Variants in CEP83 observed in about 807,000 individuals in gnomAD.
CEP83 encodes the protein centrosomal protein of 83 kDa.
Under a neutral mutation model 101.9 loss-of-function variants are expected in CEP83, and 70 were observed. The ratio of observed to expected loss-of-function variants is 0.69; its 90% CI spans 0.57 to 0.84. The LOEUF is 0.84. Ranked by LOEUF, CEP83 falls within the 40% of genes least tolerant of loss-of-function variation. The pLI is 0.00. For missense variants in CEP83, 715 were observed against 787.2 expected, an observed-to-expected ratio of 0.91 and a Z score of 1.10; for synonymous variants, 264 against 267.9, an observed-to-expected ratio of 0.99 and a Z score of 0.14.
At chr12:94,383,063 T>C (rs911806294) in intron 6 of CEP83, among the ~76,000 whole-genome samples, 3 of 152,100 alleles carry the variant, frequency 2.0e-5, no homozygotes, top group Non-Finnish European at 4.4e-5. Context: ...ACATTTAGTA[T>C]TCCTGTGTCT....
chr12:94,412,235 T>C, intron 3 of CEP83, 83 bp downstream of exon 3: 1 of 1,123,422 alleles, frequency 8.9e-7, no homozygotes, highest in Non-Finnish European at 1.2e-6. Context: ...AAAATTATAC[T>C]ATATTCTATA....
chr12:94,453,331 TC>T (rs1034704644), intron 1 of CEP83, among the ~76,000 whole-genome samples: 2 of 152,166 alleles, frequency 1.3e-5, no homozygotes, highest in Non-Finnish European at 2.9e-5. Context: ...TTGACTAACT[TC>T]CTCCGGGCCA....
intron 11 of CEP83, among the ~76,000 whole-genome samples, chr12:94,346,073 C>T (rs1340684600): frequency 1.3e-5 from 2 of 151,942 alleles, no homozygotes; most frequent in African/African-American, 4.8e-5. Flanking sequence ...TTTTTTGAGA[C>T]GGGGTCTTGC....
chr12:94,289,190 A>G, the CEP83 span, among the ~76,000 whole-genome samples: 1 of 152,104 alleles, frequency 6.6e-6, no homozygotes, highest in East Asian at 1.9e-4. Flanking sequence ...GGTTTGGAGG[A>G]TGTGTAGCTC....
At chr12:94,435,754 T>C (rs2065937172) in intron 1 of CEP83, among the ~76,000 whole-genome samples, 1 of 152,222 alleles carries the variant, frequency 6.6e-6, no homozygotes, top group African/African-American at 2.4e-5. Context: ...CTAATTCAAC[T>C]GCCTGCAACT....
intron 11 of CEP83, among the ~76,000 whole-genome samples, chr12:94,336,845 A>G (rs61927181): frequency 2.6e-5 from 4 of 151,052 alleles, no homozygotes; most frequent in African/African-American, 9.7e-5. Flanking sequence ...TTTTTTTTAA[A>G]TAAGAGATGT....
At chr12:94,360,720 A>G (rs2060710605) in intron 11 of CEP83, among the ~76,000 whole-genome samples, 1 of 152,100 alleles carries the variant, frequency 6.6e-6, no homozygotes, top group African/African-American at 2.4e-5. Flanking sequence ...CATATTACCA[A>G]TGAATTTCTT....
At position 94,356,124 on chromosome 12, in the gene CEP83, C is replaced by T. The variant is rs548191729; in HGVS notation, c.1343+11670G>A. Among the ~76,000 whole-genome samples, 7 of 152,262 alleles carry T rather than the reference C, an allele frequency of 4.6e-5. No homozygotes were observed. In the South Asian group the frequency reaches 8.3e-4, roughly 18 times the overall value. ...AATCCAGGTCGAAGGGTCGCCAGAG[C>T]GACGGCTGGGAACAGAAAACTAGCT... On this transcript the variant is annotated intron_variant, in intron 11 of 16. Transcript: ENST00000397809.
the CEP83 span, among the ~76,000 whole-genome samples, chr12:94,292,881 A>G: frequency 6.6e-6 from 1 of 152,194 alleles, no homozygotes; most frequent in African/African-American, 2.4e-5. Context: ...GTATATACCT[A>G]CAGAAAAACA....
chr12:94,425,903 G>C (rs757774830), intron 2 of CEP83, among the ~76,000 whole-genome samples: 1 of 152,044 alleles, frequency 6.6e-6, no homozygotes. Flanking sequence ...GGCGGATCAC[G>C]AGGTCAGGAG....
At chr12:94,368,409 C>T (rs1566001909) in intron 9 of CEP83, 14 of 526,552 alleles carry the variant, frequency 2.7e-5, no homozygotes. Flanking sequence ...TTTCCTGTCA[C>T]TGTTTATTTA....
chr12:94,295,478 T>G, the CEP83 span, among the ~76,000 whole-genome samples: 2 of 152,170 alleles, frequency 1.3e-5, no homozygotes, highest in East Asian at 3.8e-4. Flanking sequence ...AGCCTATTAT[T>G]TGGGGATTGA....
intron 14 of CEP83, among the ~76,000 whole-genome samples, chr12:94,316,000 G>C (rs1308100229): frequency 6.6e-6 from 1 of 152,110 alleles, no homozygotes; most frequent in African/African-American, 2.4e-5. Context: ...TGTACTTTCA[G>C]ATGAATTTTA....
chr12:94,456,460 A>G (rs2067687012), intron 1 of CEP83, among the ~76,000 whole-genome samples: 1 of 152,212 alleles, frequency 6.6e-6, no homozygotes, highest in Admixed American at 6.5e-5. Flanking sequence ...TCATATTGCT[A>G]TAAAGAACTG....
chr12:94,318,870 T>G (rs1474602236), intron 14 of CEP83, among the ~76,000 whole-genome samples: 1 of 152,198 alleles, frequency 6.6e-6, no homozygotes, highest in African/African-American at 2.4e-5. Flanking sequence ...GGCCTAAAGT[T>G]TTCATTGTTG....
In CEP83 at chr12:94,308,613, A is replaced by G. The variant is rs77431018; in HGVS notation, c.*200T>C. On this transcript the variant is annotated 3_prime_UTR_variant, in exon 17 of 17. Transcript: ENST00000397809. ...TCAAATATTCTAAATATCTCTGAGA[A>G]TTTCTCTTTTAATGCTTCACTTGTA... is the stretch of plus-strand genomic sequence containing the variant. 1,592 of 368,770 alleles carry G rather than the reference A, an allele frequency of 4.3e-3. 29 individuals carry two copies. The highest frequency in any genetic ancestry group is 0.031 in the African/African-American group (1,457 of 47,754). 22.8% of individuals were successfully genotyped at this position (368,770 alleles called of 1,614,324 possible).
At chr12:94,329,767 TAC>T (rs545782778) in intron 14 of CEP83, among the ~76,000 whole-genome samples, 2 of 152,336 alleles carry the variant, frequency 1.3e-5, no homozygotes, top group South Asian at 2.1e-4. Context: ...TTAATATTCA[TAC>T]ACTTTTCAGT....
At chr12:94,342,422 G>C (rs751830263) in intron 11 of CEP83, among the ~76,000 whole-genome samples, 3 of 152,004 alleles carry the variant, frequency 2.0e-5, no homozygotes, top group Admixed American at 6.6e-5. Context: ...AACAAATAAA[G>C]CCACACAAAA....
chr12:94,347,770 G>A (rs933680938), intron 11 of CEP83, among the ~76,000 whole-genome samples: 5 of 152,118 alleles, frequency 3.3e-5, no homozygotes, highest in African/African-American at 1.2e-4. Context: ...ATAAGTCACG[G>A]GTTGCCTAAT....
Sources: allele counts gnomAD v4.1 joint callset (sites outside exome capture counted in the v4.1 genomes callset), GRCh38; gene constraint gnomAD v4.1.1; transcripts MANE v1.5; gene names NCBI Gene and HGNC (gene_info 2026-07-23, HGNC 2026-07-21).